Variants in IL6R observed in about 807,000 individuals in gnomAD.
IL6R encodes interleukin-6 receptor subunit alpha.
In IL6R, 38 loss-of-function variants were observed where a neutral mutation model predicts 48.3. That is an observed-to-expected ratio of 0.79 (90% confidence interval 0.61 to 1.03). IL6R has a LOEUF of 1.03. Ranked by LOEUF, IL6R falls within the 50% of genes least tolerant of loss-of-function variation. IL6R has a pLI of 0.00. For synonymous variants in IL6R, 264 were observed against 256.2 expected, an observed-to-expected ratio of 1.03 and a Z score of -0.29; for missense variants, 534 against 618.3, an observed-to-expected ratio of 0.86 and a Z score of 1.45.
intron 1 of IL6R, among the ~76,000 whole-genome samples, chr1:154,414,161 A>AT (rs915286395): frequency 2.6e-5 from 4 of 151,092 alleles, no homozygotes; most frequent in African/African-American, 7.3e-5. Context: ...CTGGCTGCAA[A>AT]TTTTTTTTTC....
chr1:154,419,936 G>T (rs1201151776), intron 1 of IL6R, among the ~76,000 whole-genome samples: 1 of 152,132 alleles, frequency 6.6e-6, no homozygotes, highest in East Asian at 1.9e-4. Flanking sequence ...GTGCTGCAGG[G>T]TCCCCAGACC....
Position 154,461,665 on chromosome 1 carries a change from A to G in IL6R, c.1161-3469A>G. ...ATGATCATCTCTGTATCTAATTTGT[A>G]TTATGACTATTCTTATTCTATTTTC... On this transcript the variant is annotated intron_variant, in intron 9 of 9. Coordinates refer to ENST00000368485, the MANE Select transcript of IL6R (RefSeq NM_000565.4). Among the ~76,000 whole-genome samples the G allele has an allele frequency of 2.6e-5, 4 of 152,356 alleles. No individual in the cohort carries two copies. The South Asian group carries it at 8.3e-4, about 32-fold the overall frequency.
At chr1:154,406,802 T>C (rs1687747870) in intron 1 of IL6R, among the ~76,000 whole-genome samples, 1 of 152,184 alleles carries the variant, frequency 6.6e-6, no homozygotes. Context: ...GTGGTCCTTA[T>C]GATTGGAAGA....
At chr1:154,415,145 A>G (rs1006743034) in intron 1 of IL6R, 17 of 880,738 alleles carry the variant, frequency 1.9e-5, no homozygotes, top group Non-Finnish European at 3.1e-5. Context: ...TGCCGTCCTC[A>G]GCCTGCAGGA....
chr1:154,455,669 G>A (rs1690835774), intron 9 of IL6R, among the ~76,000 whole-genome samples: 1 of 150,566 alleles, frequency 6.6e-6, no homozygotes, highest in Non-Finnish European at 1.5e-5. Context: ...AGCCAGGATG[G>A]TCTCGATCTC....
chr1:154,437,417 A>ATTTT, intron 6 of IL6R: 23 of 323,394 alleles, frequency 7.1e-5, no homozygotes, highest in South Asian at 1.1e-4. Context: ...TTTAACTTAA[A>ATTTT]TTTTTTTTTT....
In IL6R at chr1:154,430,607, G is replaced by T. The variant is rs770953854; in HGVS notation, c.458+1G>T. 1.9e-6 allele frequency: 3 copies of T among 1,614,220 alleles called. No individual in the cohort carries two copies. The highest frequency in any genetic ancestry group is 2.2e-5 in the South Asian group (2 of 91,084). On this transcript the variant is annotated splice_donor_variant, in intron 3 of 9. Transcript: ENST00000368485. LOFTEE classifies it high-confidence loss of function. ...AGGCTGTGCTCTTGGTGAGGAAGTT[G>T]TAAGTATCTTGGGCTGAGCTATGTG...
intron 1 of IL6R, among the ~76,000 whole-genome samples, chr1:154,428,754 G>A (rs1689115278): frequency 6.6e-6 from 1 of 152,186 alleles, no homozygotes. Context: ...TGTTTAGGCC[G>A]AGACCTGGAA....
intron 1 of IL6R, among the ~76,000 whole-genome samples, chr1:154,424,115 C>T (rs1472396912): frequency 6.6e-6 from 1 of 152,220 alleles, no homozygotes; most frequent in African/African-American, 2.4e-5. Context: ...CAGCCTGGGG[C>T]CTGCCCATCA....
At chr1:154,418,306 C>A (rs1013167804) in intron 1 of IL6R, 1 of 433,106 alleles carries the variant, frequency 2.3e-6, no homozygotes, top group African/African-American at 2.1e-5. Context: ...GTTGGTCACA[C>A]GCGCACGTGG....
At chr1:154,427,302 G>T (rs371713947) in intron 1 of IL6R, among the ~76,000 whole-genome samples, 1 of 152,172 alleles carries the variant, frequency 6.6e-6, no homozygotes, top group Non-Finnish European at 1.5e-5. Flanking sequence ...TCAAGGGCAG[G>T]TCTCTGGGAT....
intron 1 of IL6R, chr1:154,414,500 C>T (rs1174997123): frequency 2.8e-5 from 24 of 852,966 alleles, no homozygotes; most frequent in Non-Finnish European, 4.7e-5. Context: ...GACCCACCCT[C>T]ACTTCTTGGT....
At chr1:154,453,278 A>G (rs925499798) in intron 8 of IL6R, among the ~76,000 whole-genome samples, 4 of 152,252 alleles carry the variant, frequency 2.6e-5, no homozygotes, top group African/African-American at 9.6e-5. Context: ...TACTGCTTTC[A>G]TTACACAGCT....
intron 9 of IL6R, among the ~76,000 whole-genome samples, chr1:154,459,580 T>A (rs115703577): frequency 6.6e-6 from 1 of 152,224 alleles, no homozygotes; most frequent in Non-Finnish European, 1.5e-5. Flanking sequence ...ACTATATTTT[T>A]TTGTATGGCC....
intron 1 of IL6R, among the ~76,000 whole-genome samples, chr1:154,417,029 G>A (rs1043609791): frequency 6.6e-5 from 10 of 152,176 alleles, no homozygotes; most frequent in African/African-American, 2.4e-4. Flanking sequence ...GGGTCAGGGA[G>A]GGGAAGCTGG....
At chr1:154,417,021 G>A (rs1263305141) in intron 1 of IL6R, among the ~76,000 whole-genome samples, 1 of 152,098 alleles carries the variant, frequency 6.6e-6, no homozygotes, top group Non-Finnish European at 1.5e-5. Flanking sequence ...AGCTAAGGGG[G>A]TCAGGGAGGG....
chr1:154,436,284 CT>C (rs923417700), intron 6 of IL6R, among the ~76,000 whole-genome samples, 174 bp downstream of exon 6: 2 of 152,074 alleles, frequency 1.3e-5, no homozygotes, highest in African/African-American at 4.8e-5. Flanking sequence ...TGAGGTCAGC[CT>C]GGCCAACATG....
At chr1:154,446,062 C>T (rs1690211499) in intron 6 of IL6R, among the ~76,000 whole-genome samples, 1 of 152,030 alleles carries the variant, frequency 6.6e-6, no homozygotes, top group Non-Finnish European at 1.5e-5. Context: ...CGGCCTGCCC[C>T]CATCTTCTTT....
intron 6 of IL6R, among the ~76,000 whole-genome samples, chr1:154,441,204 C>T (rs1027727705): frequency 1.3e-5 from 2 of 152,132 alleles, no homozygotes; most frequent in Admixed American, 6.5e-5. Context: ...ACCTTTCTGG[C>T]CCCCTTCCCC....
Sources: gnomAD v4.1 joint callset for allele counts (sites outside exome capture counted in the v4.1 genomes callset) on GRCh38, gnomAD v4.1.1 for gene constraint, MANE v1.5 for transcripts, NCBI Gene and HGNC (gene_info 2026-07-23, HGNC 2026-07-21) for gene names.